Variants in NFIB observed in about 807,000 individuals in gnomAD.
NFIB encodes the protein nuclear factor I B.
A neutral mutation model predicts 61.5 loss-of-function variants in NFIB; 11 were observed. The ratio of observed to expected loss-of-function variants is 0.18; its 90% CI spans 0.11 to 0.30. The LOEUF (loss-of-function observed/expected upper bound fraction) is 0.30, where lower values mean the gene tolerates loss of function less well. Ranked by LOEUF, NFIB falls within the 10% of genes least tolerant of loss-of-function variation. The pLI is 1.00. For synonymous variants in NFIB, 260 were observed against 216.5 expected, an observed-to-expected ratio of 1.20 and a Z score of -1.76; for missense variants, 471 against 608.9, an observed-to-expected ratio of 0.77 and a Z score of 2.38.
chr9:14,381,614 T>G (rs916137462), intron 1 of NFIB, among the ~76,000 whole-genome samples: 1 of 152,216 alleles, frequency 6.6e-6, no homozygotes, highest in African/African-American at 2.4e-5. Context: ...GCAGCTGGTG[T>G]CATTTTGTGA....
chr9:14,327,335 A>C (rs1333947107), intron 1 of NFIB, among the ~76,000 whole-genome samples: 1 of 152,236 alleles, frequency 6.6e-6, no homozygotes, highest in Non-Finnish European at 1.5e-5. Context: ...TCCTGTTGGC[A>C]TATCTAGAAC....
At chr9:14,453,018 T>C in the NFIB span, among the ~76,000 whole-genome samples, 4 of 152,230 alleles carry the variant, frequency 2.6e-5, no homozygotes, top group African/African-American at 9.6e-5. Context: ...TGTAACGTGG[T>C]GCCTCTTAAG....
At chr9:14,498,207 G>C in the NFIB span, among the ~76,000 whole-genome samples, 15,266 of 152,204 alleles carry the variant, frequency 0.1, 1,218 homozygotes, top group East Asian at 0.31. Context: ...TCCAAAGTTT[G>C]TGCTCTTTCT....
At position 14,150,208 on chromosome 9, in the gene NFIB, G is replaced by A; in HGVS notation, c.743C>T (p.Pro248Leu). Reference sequence around the variant, plus strand: ...CCCCGAGTTCATGTCATGATAGTATGGTTGGCTTGGGATTTCTCCAATTGG... The same window carrying A: ...CCCCGAGTTCATGTCATGATAGTATAGTTGGCTTGGGATTTCTCCAATTGG... ...NFPIGEIPSQ[P>L]YYHDMNSGVN... Residue 248 changes from proline (P) to leucine (L), a missense_variant, in exon 5 of 11, where the codon CCA becomes CTA. By Grantham distance (98) the Pro-to-Leu change is moderately conservative. This residue lies in a region of NFIB where 372 missense variants were observed against 395.6 expected (regional missense o/e 0.94). Transcript: ENST00000380953. 5.0e-6 allele frequency: 8 copies of A among 1,613,534 alleles called. No homozygotes were observed. Among genetic ancestry groups the A allele is most frequent in the Non-Finnish European group, 6.8e-6 (8 of 1,179,608 alleles).
rs1234685513 is a variant in NFIB, at chr9:14,231,132, AAAAATATATATAT to A, written c.563-51365_563-51353del. Among the ~76,000 whole-genome samples the A allele has an allele frequency of 7.1e-4, 66 of 93,206 alleles. 2 individuals are homozygous for A. In the East Asian group the frequency reaches 0.027, roughly 38 times the overall value. 61.1% of individuals were successfully genotyped at this position (93,206 alleles called of 152,430 possible). A position where few individuals can be genotyped will look rare whatever the true frequency, so the allele number is the denominator to read the frequency against. ...GTTTTTCCATGGGGAAAAAAAAAAA[AAAAATATATATAT>A]ATATATATATATATATATATATTCG... On this transcript the variant is annotated intron_variant, in intron 2 of 10. Coordinates refer to ENST00000380953, the MANE Select transcript of NFIB (RefSeq NM_001190737.2).
chr9:14,187,373 A>G (rs952771870), intron 2 of NFIB, among the ~76,000 whole-genome samples: 1 of 152,198 alleles, frequency 6.6e-6, no homozygotes, highest in Non-Finnish European at 1.5e-5. Flanking sequence ...AGTTTCCTGC[A>G]TATTTTAAAC....
At chr9:14,514,759 G>C in the NFIB span, among the ~76,000 whole-genome samples, 2 of 152,000 alleles carry the variant, frequency 1.3e-5, no homozygotes, top group African/African-American at 4.8e-5. Context: ...TTCTCAGTTT[G>C]GGTTGCTCAG....
the NFIB span, among the ~76,000 whole-genome samples, chr9:14,507,790 G>A: frequency 6.6e-6 from 1 of 152,112 alleles, no homozygotes; most frequent in Non-Finnish European, 1.5e-5. Flanking sequence ...CAGAAATAAA[G>A]CAACCATCAA....
At chr9:14,387,552 A>G (rs574127742) in intron 1 of NFIB, among the ~76,000 whole-genome samples, 2 of 152,336 alleles carry the variant, frequency 1.3e-5, no homozygotes, top group African/African-American at 4.8e-5. Context: ...AAAAATGAGC[A>G]AAGGATAGAA....
chr9:14,340,354 T>C lies in NFIB; in HGVS notation c.109-32834A>G, dbSNP rs112131554. Among the ~76,000 whole-genome samples, 104 of 152,244 alleles carry C rather than the reference T, an allele frequency of 6.8e-4. 4 individuals carry two copies. The highest frequency in any genetic ancestry group is 2.1e-3 in the African/African-American group (89 of 41,540). ...TATTCTCTTAAACTATAAATTAGAG[T>C]TCTCAACCCTAGCTAAACATTAGAA... On this transcript the variant is annotated intron_variant, in intron 1 of 8. Transcript: ENST00000380934.
the NFIB span, among the ~76,000 whole-genome samples, chr9:14,437,945 G>T: frequency 3.3e-5 from 5 of 151,998 alleles, no homozygotes; most frequent in African/African-American, 4.8e-5. Flanking sequence ...AAGAATCCAC[G>T]GTTCCCTCCT....
intron 6 of NFIB, among the ~76,000 whole-genome samples, chr9:14,145,506 G>A (rs2042184168): frequency 1.3e-5 from 2 of 152,060 alleles, no homozygotes. Context: ...CAAAGAAGGA[G>A]CACTGAATAA....
At chr9:14,373,221 G>A (rs542322407) in intron 1 of NFIB, among the ~76,000 whole-genome samples, 52 of 152,300 alleles carry the variant, frequency 3.4e-4, no homozygotes, top group Middle Eastern at 6.8e-3. Context: ...CTGTGGCCCA[G>A]GACCTAACAA....
the NFIB span, among the ~76,000 whole-genome samples, chr9:14,531,033 T>C: frequency 6.6e-6 from 1 of 152,206 alleles, no homozygotes; most frequent in Non-Finnish European, 1.5e-5. Flanking sequence ...GTCACGACTA[T>C]TGCATACAAG....
intron 1 of NFIB, among the ~76,000 whole-genome samples, chr9:14,323,010 T>C (rs2060699931): frequency 6.6e-6 from 1 of 152,180 alleles, no homozygotes; most frequent in Admixed American, 6.5e-5. Flanking sequence ...ACAACAATAA[T>C]GATAAAGAAT....
Position 14,146,737 on chromosome 9 carries a change from G to T in NFIB, c.877C>A (p.Pro293Thr). The T allele has an allele frequency of 6.2e-7, 1 of 1,612,092 alleles. No individual in the cohort carries two copies. Among genetic ancestry groups the T allele is most frequent in the Non-Finnish European group, 8.5e-7 (1 of 1,179,340 alleles). ...CGACTTCCAGCAGCTGGTGAACTTG[G>T]AGAGGGGTAAAAGTCTCCTGTAGGA... ...PSPTGDFYPS[P>T]SSPAAGSRTW... The change falls in exon 6 of 11, where the codon CCA becomes ACA. Residue 293 changes from proline to threonine, a missense_variant. Physicochemically the swap from Pro to Thr is conservative, Grantham distance 38. Around this residue, in one of 2 missense-constraint regions of NFIB, gnomAD observed 372 missense variants for 395.6 expected, o/e 0.94. Coordinates refer to ENST00000380953, the MANE Select transcript of NFIB (RefSeq NM_001190737.2).
At chr9:14,337,442 T>A (rs1034599536) in intron 1 of NFIB, among the ~76,000 whole-genome samples, 1 of 152,188 alleles carries the variant, frequency 6.6e-6, no homozygotes, top group Non-Finnish European at 1.5e-5. Context: ...AAAATCATAA[T>A]AATGGTTACC....
At chr9:14,465,767 G>C in the NFIB span, among the ~76,000 whole-genome samples, 2 of 152,100 alleles carry the variant, frequency 1.3e-5, no homozygotes, top group Admixed American at 1.3e-4. Context: ...CTGCAGGGTG[G>C]ACATTTGGGG....
the NFIB span, among the ~76,000 whole-genome samples, chr9:14,469,918 TC>T: frequency 1.3e-5 from 2 of 152,220 alleles, no homozygotes; most frequent in African/African-American, 4.8e-5. Flanking sequence ...AGTCCAATTT[TC>T]CCCAAATATT....
Sources: gnomAD v4.1 joint callset for allele counts (sites outside exome capture counted in the v4.1 genomes callset) on GRCh38, gnomAD v4.1.1 for gene constraint, gnomAD v4.1.1 regional missense constraint, MANE v1.5 for transcripts, NCBI Gene and HGNC (gene_info 2026-07-23, HGNC 2026-07-21) for gene names.